The following TCEA1 variants were observed in gnomAD, a reference collection of about 807,000 sequenced individuals.
TCEA1 encodes transcription elongation factor A protein 1.
In TCEA1, 21 loss-of-function variants were observed where a neutral mutation model predicts 43.8. The observed-to-expected ratio is 0.48, with a 90% CI of 0.34 to 0.69. TCEA1 has a LOEUF of 0.69. TCEA1 is among the 30% of genes least tolerant of loss of function. TCEA1 has a pLI of 0.01. For synonymous variants in TCEA1, 104 were observed against 117.5 expected (o/e 0.88, Z 0.75); for missense variants, 250 against 365.1 (o/e 0.68, Z 2.57).
intron 1 of TCEA1, among the ~76,000 whole-genome samples, chr8:54,016,834 T>G (rs1804843218): frequency 1.3e-5 from 2 of 150,174 alleles, no homozygotes; most frequent in Non-Finnish European, 3.0e-5. Flanking sequence ...ATTAGCCGGG[T>G]GTGGTGGTGC....
At chr8:53,994,238 G>C (rs776241504) in intron 3 of TCEA1, among the ~76,000 whole-genome samples, 41 of 151,846 alleles carry the variant, frequency 2.7e-4, no homozygotes, top group Non-Finnish European at 2.5e-4. Flanking sequence ...TCAGCTACTC[G>C]GGAGGCTGAA....
intron 8 of TCEA1, 48 bp from the exon 9 acceptor site, chr8:53,970,511 A>C: frequency 1.9e-6 from 2 of 1,034,076 alleles, no homozygotes; most frequent in Non-Finnish European, 2.9e-6. Context: ...CTATTAAAAA[A>C]CCCAACCCAA....
At chr8:54,013,548 G>A (rs575221563) in intron 1 of TCEA1, among the ~76,000 whole-genome samples, 7 of 151,608 alleles carry the variant, frequency 4.6e-5, no homozygotes, top group Admixed American at 1.3e-4. Flanking sequence ...GCGTGGTGGC[G>A]GGCACCTGTA....
intron 8 of TCEA1, chr8:53,973,959 G>A (rs942829984): frequency 1.1e-5 from 2 of 183,710 alleles, no homozygotes; most frequent in Non-Finnish European, 2.2e-5. Context: ...TGGATCACCT[G>A]AGGTCAGGAG....
chr8:54,021,247 C>T (rs1805016693), intron 1 of TCEA1, among the ~76,000 whole-genome samples: 2 of 152,126 alleles, frequency 1.3e-5, no homozygotes, highest in Admixed American at 1.3e-4. Context: ...GAAAGTGCCA[C>T]ACAAATGGGC....
chr8:54,017,638 AGGCTGGGCTCAGT>A (rs1349095198), intron 1 of TCEA1, among the ~76,000 whole-genome samples: 2 of 152,222 alleles, frequency 1.3e-5, no homozygotes, highest in East Asian at 3.9e-4. Context: ...TACCCAAAAA[AGGCTGGGCTCAGT>A]GGCTCACGCC....
intron 2 of TCEA1, chr8:54,002,963 TG>T (rs1212011657): frequency 2.2e-6 from 1 of 456,094 alleles, no homozygotes; most frequent in Non-Finnish European, 4.4e-6. Context: ...CAGAAAGGAA[TG>T]AGTACTGAGA....
chr8:53,995,699 A>C (rs1294994413), intron 3 of TCEA1, among the ~76,000 whole-genome samples: 1 of 152,236 alleles, frequency 6.6e-6, no homozygotes, highest in Non-Finnish European at 1.5e-5. Flanking sequence ...CAAGCTCCGA[A>C]CCAGATCCAT....
Position 53,988,498 on chromosome 8 carries a change from T to C in TCEA1, c.321-239A>G, listed in dbSNP as rs115085105. Among the ~76,000 whole-genome samples, 624 of 152,340 alleles carry C rather than the reference T, an allele frequency of 4.1e-3. 4 individuals are homozygous for C. The highest frequency in any genetic ancestry group is 0.014 in the African/African-American group (595 of 41,578). On this transcript the variant is annotated intron_variant, in intron 4 of 9. Coordinates refer to ENST00000521604, the MANE Select transcript of TCEA1 (RefSeq NM_006756.4). ...TTGAACTAAACATTTTATCTTTGAT[T>C]CTCATTTTAAATATTAAGCAATATT...
intron 3 of TCEA1, among the ~76,000 whole-genome samples, chr8:53,994,759 T>C (rs1465777832): frequency 6.6e-6 from 1 of 151,844 alleles, no homozygotes; most frequent in South Asian, 2.1e-4. Flanking sequence ...TAGTCCCAGC[T>C]ACTCAGGAGG....
chr8:53,988,724 G>A (rs1397436346), intron 4 of TCEA1, among the ~76,000 whole-genome samples: 4 of 152,002 alleles, frequency 2.6e-5, no homozygotes, highest in Non-Finnish European at 4.4e-5. Flanking sequence ...TCACACCAGA[G>A]AATGACAGCT....
At chr8:53,985,949 ACTTTC>A (rs1177702815) in intron 6 of TCEA1, among the ~76,000 whole-genome samples, 1 of 152,252 alleles carries the variant, frequency 6.6e-6, no homozygotes, top group African/African-American at 2.4e-5. Context: ...TCAATACTGT[ACTTTC>A]CTTTTCAATA....
intron 6 of TCEA1, among the ~76,000 whole-genome samples, chr8:53,984,855 C>G (rs1209704758): frequency 6.6e-6 from 1 of 151,874 alleles, no homozygotes; most frequent in Non-Finnish European, 1.5e-5. Flanking sequence ...ACACTCCAGC[C>G]TGGGCGACAG....
Position 54,010,434 on chromosome 8 carries a change from A to G in TCEA1, c.122T>C (p.Leu41Pro), listed in dbSNP as rs1316035514. ...LKNIPMTLEL[L>P]QSTRIGMSVN... ...TTGATGCATAAAAGCACATACCTGC[A>G]GTAATTCCAGGGTCATAGGAATATT... Residue 41 changes from leucine to proline, a missense_variant, in exon 2 of 10, where the codon CTG (leucine) becomes CCG (proline). Physicochemically the swap from Leu to Pro is moderately conservative, Grantham distance 98 (BLOSUM62 -3). Around this residue, in one of 4 missense-constraint regions of TCEA1, gnomAD observed 27 missense variants for 63.1 expected, o/e 0.43. Coordinates refer to ENST00000521604, the MANE Select transcript of TCEA1 (RefSeq NM_006756.4). The G allele has an allele frequency of 6.2e-7, 1 of 1,603,840 alleles. No individual in the cohort carries two copies.
intron 2 of TCEA1, among the ~76,000 whole-genome samples, chr8:54,009,465 T>C (rs1804580682): frequency 6.6e-6 from 1 of 152,178 alleles, no homozygotes; most frequent in Non-Finnish European, 1.5e-5. Flanking sequence ...ATTTAATGTA[T>C]ATACACAATG....
chr8:54,017,659 G>A (rs533123462), intron 1 of TCEA1, among the ~76,000 whole-genome samples: 4 of 152,250 alleles, frequency 2.6e-5, no homozygotes, highest in Non-Finnish European at 4.4e-5. Context: ...AGTGGCTCAC[G>A]CCTGTAATCC....
At chr8:53,975,754 T>G (rs988917262) in intron 8 of TCEA1, among the ~76,000 whole-genome samples, 1 of 152,198 alleles carries the variant, frequency 6.6e-6, no homozygotes, top group Admixed American at 6.5e-5. Context: ...GGGGAGTTAC[T>G]GTTTAATGGG....
intron 1 of TCEA1, among the ~76,000 whole-genome samples, chr8:54,019,857 G>A (rs1804966747): frequency 6.6e-6 from 1 of 152,142 alleles, no homozygotes; most frequent in South Asian, 2.1e-4. Context: ...AAAAGTACAA[G>A]AGCCAGTCAG....
intron 1 of TCEA1, among the ~76,000 whole-genome samples, chr8:54,017,517 C>T (rs2129314965): frequency 6.6e-6 from 1 of 152,296 alleles, no homozygotes; most frequent in South Asian, 2.1e-4. Flanking sequence ...GTCACCCAGG[C>T]TAAGTGCCTA....
Sources: allele counts gnomAD v4.1 joint callset (sites outside exome capture counted in the v4.1 genomes callset), GRCh38; gene constraint gnomAD v4.1.1; regional missense constraint gnomAD v4.1.1; transcripts MANE v1.5; gene names NCBI Gene and HGNC (gene_info 2026-07-23, HGNC 2026-07-21).